Variants in ATP2C2 observed in about 807,000 individuals in gnomAD.
The protein encoded by ATP2C2 is ATPase secretory pathway Ca2+ transporting 2, also known as calcium-transporting ATPase type 2C member 2.
ATP2C2 carries 171 observed loss-of-function variants against 110.8 expected under a neutral mutation model. That is an observed-to-expected ratio of 1.54 (90% CI 1.36 to 1.75). The LOEUF (loss-of-function observed/expected upper bound fraction) is 1.75, where lower values mean the gene tolerates loss of function less well. ATP2C2 is among the 40% of genes most tolerant of loss of function. The probability of loss-of-function intolerance (pLI) is 0.00; values close to 1 mark genes in which losing one functional copy is unlikely to be tolerated. For missense variants in ATP2C2, 1,963 were observed against 1,235.0 expected, an observed-to-expected ratio of 1.59 and a Z score of -8.84; for synonymous variants, 804 against 508.4, an observed-to-expected ratio of 1.58 and a Z score of -7.82.
At position 84,463,684 on chromosome 16, in the gene ATP2C2, A is replaced by C; in HGVS notation, c.2793A>C (p.Lys931Asn). Residue 931 changes from lysine to asparagine, a missense_variant, in exon 27 of 27, where the codon AAA becomes AAC. Lys to Asn is a moderately conservative substitution (Grantham distance 94). Coordinates refer to ENST00000262429, the MANE Select transcript of ATP2C2 (RefSeq NM_014861.4). Reference sequence around the variant, plus strand: ...CAGAGCTCCTCAAACTATGTGAAAAATACTGTTGCAGCCCCAAGAGAGTCC... The same window carrying C: ...CAGAGCTCCTCAAACTATGTGAAAACTACTGTTGCAGCCCCAAGAGAGTCC... ...ILSELLKLCE[K>N]YCCSPKRVQM... 3.1e-6 allele frequency: 5 copies of C among 1,614,194 alleles called. No individual in the cohort carries two copies. Among genetic ancestry groups the C allele is most frequent in the Non-Finnish European group, 4.2e-6 (5 of 1,180,016 alleles).
At chr16:84,402,472 G>A (rs1193430201) in intron 2 of ATP2C2, among the ~76,000 whole-genome samples, 2 of 152,158 alleles carry the variant, frequency 1.3e-5, no homozygotes, top group Admixed American at 6.5e-5. Flanking sequence ...ATTGAGACAT[G>A]TTCCTTCTAT....
chr16:84,460,304 T>G (rs1009869258), intron 23 of ATP2C2: 3 of 352,882 alleles, frequency 8.5e-6, no homozygotes, highest in African/African-American at 6.3e-5. Flanking sequence ...TGAGGGGCTC[T>G]GCGGAGGGCG....
chr16:84,380,138 T>C lies in ATP2C2; in HGVS notation c.99+11424T>C, dbSNP rs191744215. Among the ~76,000 whole-genome samples the C allele has an allele frequency of 3.7e-4, 56 of 152,280 alleles. 1 individual carries two copies. The highest frequency in any genetic ancestry group is 1.1e-3 in the African/African-American group (46 of 41,570). ...ATAAGCTGGCCTCCCTCCCCTGTGA[T>C]CTGGGAGGTGCCTGTTCCCCAGGGA... On this transcript the variant is annotated intron_variant, in intron 1 of 26. Transcript: ENST00000262429.
At chr16:84,460,547 C>A in intron 23 of ATP2C2, 107 bp from the exon 24 acceptor site, 2 of 1,519,720 alleles carry the variant, frequency 1.3e-6, no homozygotes, top group Non-Finnish European at 1.8e-6. Context: ...ATGCCTGGCC[C>A]TGCCCCCTGT....
intron 11 of ATP2C2, among the ~76,000 whole-genome samples, chr16:84,430,594 C>T (rs1048808605): frequency 6.8e-6 from 1 of 147,224 alleles, no homozygotes; most frequent in African/African-American, 2.5e-5. Flanking sequence ...GAGCTGAGAT[C>T]ACACTACTGC....
chr16:84,371,605 T>C (rs571199729), intron 1 of ATP2C2, among the ~76,000 whole-genome samples: 18 of 152,342 alleles, frequency 1.2e-4, no homozygotes, highest in African/African-American at 3.6e-4. Flanking sequence ...AAGGAAGAGA[T>C]TGGAGCAGAA....
In ATP2C2 at chr16:84,454,929, G is replaced by A. The variant is rs778733183; in HGVS notation, c.2092G>A (p.Val698Ile). Reference sequence around the variant, plus strand: ...CGCCATGGGGCAGACAGGGACGGACGTCAGCAAAGAGGCCGCCAACATGAT... The same window carrying A: ...CGCCATGGGGCAGACAGGGACGGACATCAGCAAAGAGGCCGCCAACATGAT... ...GIAMGQTGTD[V>I]SKEAANMILV... The change falls in exon 21 of 27, where the codon GTC becomes ATC. Residue 698 changes from valine (V) to isoleucine (I), a missense_variant. Transcript: ENST00000262429. 1.2e-5 allele frequency: 19 copies of A among 1,613,832 alleles called. No individual in the cohort carries two copies. Among genetic ancestry groups the A allele is most frequent in the East Asian group, 2.2e-5 (1 of 44,876 alleles).
In ATP2C2 at chr16:84,418,319, C is replaced by A. The variant is rs188057854; in HGVS notation, c.624+2728C>A. Among the ~76,000 whole-genome samples, 256 of 152,244 alleles carry A rather than the reference C, an allele frequency of 1.7e-3. 6 individuals are homozygous for A. In the South Asian group the frequency reaches 0.02, roughly 12 times the overall value. ...CCCCCGACTCTATTTTCGCCCCTCA[C>A]CCCTCCTTGCCCCTTACCTGAGATT... On this transcript the variant is annotated intron_variant, in intron 7 of 26. Coordinates refer to ENST00000262429, the MANE Select transcript of ATP2C2 (RefSeq NM_014861.4).
chr16:84,451,840 AAAC>A (rs3837762), intron 17 of ATP2C2, 78 bp from the exon 18 acceptor site: 450,259 of 1,379,590 alleles, frequency 0.33, 76,221 homozygotes, highest in Non-Finnish European at 0.34. Context: ...CTCTCTTAAA[AAAC>A]AACAACAACA....
chr16:84,460,091 C>T (rs771303812), intron 23 of ATP2C2: 2 of 199,422 alleles, frequency 1.0e-5, no homozygotes, highest in Non-Finnish European at 2.1e-5. Flanking sequence ...GAAAGAGAGT[C>T]CTCATTTGTG....
intron 2 of ATP2C2, among the ~76,000 whole-genome samples, chr16:84,402,666 T>A (rs1905409975): frequency 6.6e-6 from 1 of 152,208 alleles, no homozygotes; most frequent in Non-Finnish European, 1.5e-5. Flanking sequence ...TGAATTTTCA[T>A]TTTAATGTGT....
chr16:84,455,106 A>C, intron 21 of ATP2C2, 122 bp downstream of exon 21: 1 of 1,297,562 alleles, frequency 7.7e-7, no homozygotes, highest in Non-Finnish European at 1.1e-6. Context: ...GGAGAGCTGA[A>C]TCTCGGGGCT....
At chr16:84,405,856 G>T (rs1372103347) in intron 3 of ATP2C2, among the ~76,000 whole-genome samples, 2 of 152,174 alleles carry the variant, frequency 1.3e-5, no homozygotes, top group African/African-American at 4.8e-5. Flanking sequence ...GGAGGTGGAG[G>T]CTGCAGTGAA....
Position 84,464,002 on chromosome 16 carries a change from A to G in ATP2C2, c.*270A>G, listed in dbSNP as rs1911668394. Reference sequence around the variant, plus strand: ...TATTAAATCACAATGATTTTTATTAACCATGTCTAACTACGTATCTGTGCC... The same window carrying G: ...TATTAAATCACAATGATTTTTATTAGCCATGTCTAACTACGTATCTGTGCC... On this transcript the variant is annotated 3_prime_UTR_variant, in exon 27 of 27. Transcript: ENST00000262429. 2.8e-6 allele frequency: 1 copy of G among 352,012 alleles called. No individual in the cohort carries two copies. The highest frequency in any genetic ancestry group is 2.1e-5 in the African/African-American group (1 of 48,506). The allele number at this position is 352,012 out of a possible 1,614,324, so 21.8% of individuals were successfully genotyped here. A position where few individuals can be genotyped will look rare whatever the true frequency, so the allele number is the denominator to read the frequency against.
intron 11 of ATP2C2, among the ~76,000 whole-genome samples, chr16:84,435,274 GC>G (rs1312820092): frequency 6.6e-6 from 1 of 152,126 alleles, no homozygotes; most frequent in African/African-American, 2.4e-5. Flanking sequence ...TGATTAATTG[GC>G]AGTGTTTATT....
At chr16:84,396,733 G>A (rs1024016996) in intron 1 of ATP2C2, among the ~76,000 whole-genome samples, 1 of 151,674 alleles carries the variant, frequency 6.6e-6, no homozygotes, top group Non-Finnish European at 1.5e-5. Context: ...AGAATGGGGG[G>A]AAAAGTCTTG....
intron 1 of ATP2C2, among the ~76,000 whole-genome samples, chr16:84,369,908 T>C (rs761768774): frequency 5.3e-5 from 8 of 152,264 alleles, no homozygotes; most frequent in Non-Finnish European, 1.0e-4. Flanking sequence ...CATGTTAATA[T>C]TGATAGGATA....
chr16:84,462,085 C>T lies in ATP2C2; in HGVS notation c.2678C>T (p.Pro893Leu), dbSNP rs1257775712. ...GGGCAGCTGGCGGTCATTTACATCC[C>T]CCCGCTGCAGAGGGTCTTCCAGACG... Reference protein sequence around the residue: ...ILGQLAVIYIPPLQRVFQTEN... With the variant: ...ILGQLAVIYILPLQRVFQTEN... The change falls in exon 26 of 27, where the codon CCC becomes CTC. Residue 893 changes from proline (P) to leucine (L), a missense_variant. Coordinates refer to ENST00000262429, the MANE Select transcript of ATP2C2 (RefSeq NM_014861.4). 1.9e-6 allele frequency: 3 copies of T among 1,614,068 alleles called. No individual in the cohort carries two copies. Among genetic ancestry groups the T allele is most frequent in the South Asian group, 1.1e-5 (1 of 91,078 alleles).
chr16:84,452,716 C>G (rs1362491795), intron 18 of ATP2C2, among the ~76,000 whole-genome samples: 3 of 152,088 alleles, frequency 2.0e-5, no homozygotes, highest in Non-Finnish European at 4.4e-5. Context: ...CCAGGCTGGT[C>G]TTGAACTCCT....
Sources: allele counts gnomAD v4.1 joint callset (sites outside exome capture counted in the v4.1 genomes callset), GRCh38; gene constraint gnomAD v4.1.1; transcripts MANE v1.5; gene names NCBI Gene and HGNC (gene_info 2026-07-23, HGNC 2026-07-21).